Variants in RHOBTB1 observed in about 807,000 individuals in gnomAD.
The protein encoded by RHOBTB1 is rho-related BTB domain-containing protein 1.
RHOBTB1 carries 40 observed loss-of-function variants against 71.6 expected under a neutral mutation model. That is an observed-to-expected ratio of 0.56 (90% CI 0.43 to 0.73). The LOEUF (loss-of-function observed/expected upper bound fraction) is 0.73, where lower values mean the gene tolerates loss of function less well. RHOBTB1 is among the 30% of genes least tolerant of loss of function. RHOBTB1 has a pLI of 0.00. For synonymous variants in RHOBTB1, 319 were observed against 334.9 expected (o/e 0.95, Z 0.52); for missense variants, 797 against 894.0 (o/e 0.89, Z 1.38).
rs537339863 is a variant in RHOBTB1, at chr10:60,911,703, C to T, written c.-10-151G>A. On this transcript the variant is annotated intron_variant, in intron 2 of 10. Coordinates refer to ENST00000337910, the MANE Select transcript of RHOBTB1 (RefSeq NM_014836.5). The stretch of plus-strand genomic sequence containing the variant: ...AGAATGTTTGGAAGTTCGTACTAAG[C>T]CTAATTGACACTCAAGTTTTCTTTT... Among the ~76,000 whole-genome samples the T allele has an allele frequency of 3.9e-5, 6 of 152,322 alleles. No homozygotes were observed. The South Asian group carries it at 1.2e-3, about 32-fold the overall frequency.
chr10:60,974,850 T>C (rs905907376), intron 2 of RHOBTB1, among the ~76,000 whole-genome samples: 5 of 152,200 alleles, frequency 3.3e-5, no homozygotes, highest in African/African-American at 1.2e-4. Context: ...CTTACAAACA[T>C]TAGTTCTCTT....
chr10:60,972,534 G>A (rs980269205), intron 2 of RHOBTB1, among the ~76,000 whole-genome samples: 8 of 151,998 alleles, frequency 5.3e-5, no homozygotes, highest in Middle Eastern at 3.2e-3. Flanking sequence ...GGGGCCTGTC[G>A]GGGCATGGGG....
intron 4 of RHOBTB1, among the ~76,000 whole-genome samples, chr10:60,893,995 A>G (rs1226322747): frequency 6.6e-6 from 1 of 152,218 alleles, no homozygotes; most frequent in African/African-American, 2.4e-5. Context: ...TCTTGTAGCT[A>G]AATTCAGAAA....
At chr10:60,970,027 G>A (rs1053762470) in intron 2 of RHOBTB1, among the ~76,000 whole-genome samples, 4 of 151,832 alleles carry the variant, frequency 2.6e-5, no homozygotes, top group Non-Finnish European at 5.9e-5. Flanking sequence ...AGGCCAACTG[G>A]GTAAAATCAT....
At chr10:60,994,695 T>C (rs911377983) in intron 1 of RHOBTB1, among the ~76,000 whole-genome samples, 1 of 152,158 alleles carries the variant, frequency 6.6e-6, no homozygotes, top group Non-Finnish European at 1.5e-5. Context: ...CTACTATCTT[T>C]AAGGCACTGT....
At chr10:60,925,910 G>T (rs1029798950) in intron 2 of RHOBTB1, among the ~76,000 whole-genome samples, 22 of 152,140 alleles carry the variant, frequency 1.4e-4, no homozygotes, top group Non-Finnish European at 2.9e-4. Flanking sequence ...GATTGAAGCA[G>T]TAATAAAAAG....
intron 5 of RHOBTB1, 115 bp from the exon 6 acceptor site, chr10:60,889,300 T>C: frequency 9.2e-7 from 1 of 1,085,548 alleles, no homozygotes; most frequent in Non-Finnish European, 1.3e-6. Context: ...GTCAGGCTTT[T>C]AGTCTCTGGA....
At chr10:60,966,464 G>T (rs1454636457) in intron 2 of RHOBTB1, among the ~76,000 whole-genome samples, 1 of 151,226 alleles carries the variant, frequency 6.6e-6, no homozygotes, top group Non-Finnish European at 1.5e-5. Flanking sequence ...GAGACCAGGA[G>T]TTTGAGATCA....
At chr10:60,912,158 T>C (rs2083010881) in intron 2 of RHOBTB1, among the ~76,000 whole-genome samples, 3 of 152,192 alleles carry the variant, frequency 2.0e-5, no homozygotes, top group Admixed American at 6.5e-5. Context: ...CTTATATTTA[T>C]TTGTATTAAT....
At chr10:60,966,043 A>T (rs1377046563) in intron 2 of RHOBTB1, among the ~76,000 whole-genome samples, 1 of 152,176 alleles carries the variant, frequency 6.6e-6, no homozygotes, top group South Asian at 2.1e-4. Flanking sequence ...AATCAGACAA[A>T]TATGGCAAAT....
At chr10:60,996,971 A>G (rs1053098423) in intron 1 of RHOBTB1, among the ~76,000 whole-genome samples, 1 of 151,750 alleles carries the variant, frequency 6.6e-6, no homozygotes, top group African/African-American at 2.4e-5. Flanking sequence ...TCTTATTACT[A>G]CTTATCAATT....
chr10:60,964,676 A>G (rs1421123280), intron 2 of RHOBTB1, among the ~76,000 whole-genome samples: 2 of 152,032 alleles, frequency 1.3e-5, no homozygotes, highest in African/African-American at 4.8e-5. Context: ...TCAGCTTTTC[A>G]TTTTCAATGC....
rs1180196060 is a variant in RHOBTB1 at position 60,986,706 on chromosome 10, C to CTACCTAATTA, written c.-162-762_-162-761insTAATTAGGTA. 2.6e-5 allele frequency among the ~76,000 whole-genome samples: 4 copies of CTACCTAATTA among 152,006 alleles called. No homozygotes were observed. The East Asian group carries it at 7.8e-4, about 30-fold the overall frequency. ...TGGACTATTTTATGAGTACGACTGA[C>CTACCTAATTA]TACCTAATATAAAAACTGAAGGGCA... is the stretch of plus-strand genomic sequence containing the variant. On this transcript the variant is annotated intron_variant, in intron 1 of 11. Coordinates refer to the RHOBTB1 transcript ENST00000357917.
chr10:60,887,203 A>G (rs571910733), intron 6 of RHOBTB1, among the ~76,000 whole-genome samples: 3 of 152,206 alleles, frequency 2.0e-5, no homozygotes, highest in Non-Finnish European at 4.4e-5. Context: ...GTAGGTTTGT[A>G]ACATATTCTT....
Position 60,888,788 on chromosome 10 carries a change from C to A in RHOBTB1, c.880G>T (p.Asp294Tyr), listed in dbSNP as rs776281328. The change falls in exon 6 of 11, where the codon GAT becomes TAT. Residue 294 changes from aspartate (D) to tyrosine (Y), a missense_variant. Transcript: ENST00000337910. ...YLATSSSKFYDLFLMECEESP... is the reference protein window; with the variant it reads ...YLATSSSKFYYLFLMECEESP... ...TCTTCACATTCCATTAAAAACAGAT[C>A]ATAAAATTTGGAAGAAGAGGTAGCG... The A allele has an allele frequency of 3.1e-6, 5 of 1,614,076 alleles. No individual in the cohort carries two copies. Among genetic ancestry groups the A allele is most frequent in the Admixed American group, 1.7e-5 (1 of 60,004 alleles).
intron 2 of RHOBTB1, among the ~76,000 whole-genome samples, chr10:60,950,943 C>T (rs1045867879): frequency 1.3e-5 from 2 of 152,094 alleles, no homozygotes; most frequent in Non-Finnish European, 2.9e-5. Context: ...TTTGCTCTGC[C>T]GTTGACTTGC....
intron 4 of RHOBTB1, among the ~76,000 whole-genome samples, chr10:60,902,178 G>T (rs1325855019): frequency 6.6e-6 from 1 of 152,226 alleles, no homozygotes; most frequent in Non-Finnish European, 1.5e-5. Flanking sequence ...CAGGCTGAGG[G>T]TGGCACAGAG....
chr10:60,923,663 A>T (rs1244806272), intron 2 of RHOBTB1, among the ~76,000 whole-genome samples: 1 of 152,182 alleles, frequency 6.6e-6, no homozygotes, highest in African/African-American at 2.4e-5. Context: ...CCTGAATTGT[A>T]GCTCCCCTAA....
intron 2 of RHOBTB1, among the ~76,000 whole-genome samples, chr10:60,936,714 A>C (rs2084605515): frequency 6.6e-6 from 1 of 152,252 alleles, no homozygotes; most frequent in African/African-American, 2.4e-5. Context: ...CCCATCCCAG[A>C]ATTACTGAAT....
Sources: gnomAD v4.1 joint callset for allele counts (sites outside exome capture counted in the v4.1 genomes callset) on GRCh38, gnomAD v4.1.1 for gene constraint, MANE v1.5 for transcripts, NCBI Gene and HGNC (gene_info 2026-07-23, HGNC 2026-07-21) for gene names.